The following ATP8A1 variants were observed in gnomAD, a reference collection of about 807,000 sequenced individuals.
The protein encoded by ATP8A1 is ATPase phospholipid transporting 8A1.
In ATP8A1, 90 loss-of-function variants were observed where a neutral mutation model predicts 177.7. The observed-to-expected ratio is 0.51, with a 90% CI of 0.43 to 0.60. The LOEUF is 0.60. ATP8A1 is among the 20% of genes least tolerant of loss of function. The pLI is 0.00. For synonymous variants in ATP8A1, 493 were observed against 485.9 expected, an observed-to-expected ratio of 1.01 and a Z score of -0.19; for missense variants, 1,072 against 1,392.8, an observed-to-expected ratio of 0.77 and a Z score of 3.67.
chr4:42,639,470 C>A (rs538475673), intron 1 of ATP8A1, among the ~76,000 whole-genome samples: 1 of 152,184 alleles, frequency 6.6e-6, no homozygotes, highest in South Asian at 2.1e-4. Flanking sequence ...TACTTTGCTT[C>A]AATCGTCTAT....
chr4:42,480,641 G>A (rs951952339), intron 25 of ATP8A1, among the ~76,000 whole-genome samples: 7 of 152,180 alleles, frequency 4.6e-5, no homozygotes, highest in African/African-American at 1.7e-4. Flanking sequence ...AGAAGTAGAT[G>A]TGCCTTTATT....
At chr4:42,628,215 A>T (rs1738322961) in intron 1 of ATP8A1, among the ~76,000 whole-genome samples, 1 of 152,192 alleles carries the variant, frequency 6.6e-6, no homozygotes, top group Admixed American at 6.5e-5. Context: ...CCACCCACTG[A>T]TGAAAAAACA....
chr4:42,433,679 T>C (rs1041014144), intron 33 of ATP8A1, among the ~76,000 whole-genome samples: 5 of 152,004 alleles, frequency 3.3e-5, no homozygotes, highest in Admixed American at 1.3e-4. Flanking sequence ...TTAGAAAATA[T>C]GCAAATTAGA....
intron 25 of ATP8A1, among the ~76,000 whole-genome samples, chr4:42,479,826 C>T (rs935417318): frequency 1.3e-5 from 2 of 152,104 alleles, no homozygotes; most frequent in Admixed American, 1.3e-4. Flanking sequence ...CTTTGGGAGG[C>T]TCCTCAACTA....
In ATP8A1 at chr4:42,465,018, C is replaced by G; in HGVS notation, c.2383G>C (p.Val795Leu). ...VEMVKKQVKV[V>L]TLAIGDGAND... is the part of the protein sequence containing the mutation. ...GCTCCATCACCGATTGCAAGCGTTA[C>G]GACTTTGACTTGTTTCTTAACCATC... The change falls in exon 26 of 37, where the codon GTA becomes CTA. Residue 795 changes from valine (V) to leucine (L), a missense_variant. Coordinates refer to ENST00000381668, the MANE Select transcript of ATP8A1 (RefSeq NM_006095.2). 1 of 1,614,150 alleles carries G rather than the reference C, an allele frequency of 6.2e-7. No homozygotes were observed. Among genetic ancestry groups the G allele is most frequent in the Non-Finnish European group, 8.5e-7 (1 of 1,180,004 alleles).
intron 23 of ATP8A1, 98 bp downstream of exon 23, chr4:42,506,918 C>A (rs1300083874): frequency 1.0e-5 from 14 of 1,390,542 alleles, no homozygotes; most frequent in Non-Finnish European, 1.4e-5. Flanking sequence ...CTTGACATAT[C>A]AAATCTTTTA....
chr4:42,608,660 T>C (rs937810027), intron 5 of ATP8A1, among the ~76,000 whole-genome samples: 2 of 152,110 alleles, frequency 1.3e-5, no homozygotes, highest in African/African-American at 2.4e-5. Context: ...ACCCAGCCTA[T>C]CATTTCTTAA....
chr4:42,580,030 A>C (rs6447171), intron 10 of ATP8A1, 52 bp from the exon 11 acceptor site: 1,293,301 of 1,395,954 alleles, frequency 0.93, 600,163 homozygotes, highest in East Asian at 0.99. Context: ...ATGATTTAGC[A>C]ATCTATACTT....
intron 15 of ATP8A1, among the ~76,000 whole-genome samples, chr4:42,568,266 T>A (rs1731553907): frequency 6.6e-6 from 1 of 152,224 alleles, no homozygotes; most frequent in South Asian, 2.1e-4. Context: ...TTCACTTCAC[T>A]GAAATAAATT....
chr4:42,446,321 AC>A (rs1193019194), intron 31 of ATP8A1, among the ~76,000 whole-genome samples: 2 of 151,366 alleles, frequency 1.3e-5, no homozygotes, highest in Non-Finnish European at 2.9e-5. Context: ...GAGAAAGGAG[AC>A]CCCCCAGATT....
chr4:42,543,608 C>T (rs1482479665), intron 20 of ATP8A1, among the ~76,000 whole-genome samples: 2 of 152,148 alleles, frequency 1.3e-5, no homozygotes, highest in African/African-American at 4.8e-5. Flanking sequence ...CATTCTAATA[C>T]AATTTTTAAA....
chr4:42,488,064 A>C (rs988887943), intron 24 of ATP8A1, among the ~76,000 whole-genome samples: 2 of 152,222 alleles, frequency 1.3e-5, no homozygotes, highest in African/African-American at 4.8e-5. Context: ...AATAAATTCC[A>C]CAAGCAAAAT....
intron 14 of ATP8A1, 101 bp from the exon 15 acceptor site, chr4:42,569,306 C>A: frequency 1.2e-6 from 1 of 827,724 alleles, no homozygotes. Flanking sequence ...AGATGGATCA[C>A]TGAAAAGTTA....
At chr4:42,609,513 A>G (rs1473431585) in intron 5 of ATP8A1, among the ~76,000 whole-genome samples, 2 of 152,170 alleles carry the variant, frequency 1.3e-5, no homozygotes, top group East Asian at 3.8e-4. Flanking sequence ...CCCATCAGTC[A>G]TTCCACAACT....
chr4:42,472,341 C>CGAGGATGT (rs1560363087), intron 25 of ATP8A1: 1 of 420,184 alleles, frequency 2.4e-6, no homozygotes, highest in African/African-American at 2.1e-5. Flanking sequence ...AGCTCACAGG[C>CGAGGATGT]GAGGATGTTA....
intron 25 of ATP8A1, among the ~76,000 whole-genome samples, chr4:42,470,270 C>G (rs1010401166): frequency 1.3e-5 from 2 of 152,192 alleles, no homozygotes; most frequent in African/African-American, 4.8e-5. Context: ...AGTTTCTGCA[C>G]ATGTTATTCA....
Position 42,411,867 on chromosome 4 carries a change from T to TA in ATP8A1, c.*1048dup, listed in dbSNP as rs1712656251. 1.3e-5 allele frequency: 2 copies of TA among 152,182 alleles called. No individual in the cohort carries two copies. The highest frequency in any genetic ancestry group is 2.9e-5 in the Non-Finnish European group (2 of 68,024). 9.4% of individuals were successfully genotyped at this position (152,182 alleles called of 1,614,324 possible). A position where few individuals can be genotyped will look rare whatever the true frequency, so the allele number is the denominator to read the frequency against. Reference sequence around the variant, plus strand: ...GCAGTCACCATAACACTGGGTGTGCTACACAAGACACAGGCATCTCTAGTG... The same window carrying TA: ...GCAGTCACCATAACACTGGGTGTGCTAACACAAGACACAGGCATCTCTAGTG... On this transcript the variant is annotated 3_prime_UTR_variant, in exon 37 of 37. Transcript: ENST00000381668.
chr4:42,624,667 A>G (rs778206268), intron 3 of ATP8A1, 33 bp from the exon 4 acceptor site: 8 of 1,170,080 alleles, frequency 6.8e-6, no homozygotes, highest in Non-Finnish European at 9.3e-6. Flanking sequence ...GAGAAATCCA[A>G]TGAGAACTAG....
At chr4:42,528,531 C>T (rs905339164) in intron 20 of ATP8A1, among the ~76,000 whole-genome samples, 1 of 151,918 alleles carries the variant, frequency 6.6e-6, no homozygotes, top group Non-Finnish European at 1.5e-5. Context: ...AGCTGCTGTA[C>T]CAGATGTGGT....
Sources: gnomAD v4.1 joint callset for allele counts (sites outside exome capture counted in the v4.1 genomes callset) on GRCh38, gnomAD v4.1.1 for gene constraint, MANE v1.5 for transcripts, NCBI Gene and HGNC (gene_info 2026-07-23, HGNC 2026-07-21) for gene names.